The following EXOC6 variants were observed in gnomAD, a reference collection of about 807,000 sequenced individuals.
EXOC6 encodes the protein exocyst complex component 6.
A neutral mutation model predicts 112.5 loss-of-function variants in EXOC6; 60 were observed. The ratio of observed to expected loss-of-function variants is 0.53; its 90% CI spans 0.43 to 0.66. The LOEUF is 0.66. Among genes scored for constraint, EXOC6 ranks in the 30% least tolerant of loss-of-function variants. The probability of loss-of-function intolerance (pLI) is 0.00; values close to 1 mark genes in which losing one functional copy is unlikely to be tolerated. For synonymous variants in EXOC6, 295 were observed against 308.0 expected (o/e 0.96, Z 0.44); for missense variants, 855 against 957.1 (o/e 0.89, Z 1.41).
chr10:92,949,594 CT>C (rs35310204), intron 14 of EXOC6, among the ~76,000 whole-genome samples: 1,716 of 129,234 alleles, frequency 0.013, 28 homozygotes, highest in African/African-American at 0.04. Flanking sequence ...CTGCTTGTGG[CT>C]TTTTTTTTTT....
At chr10:92,903,105 A>G (rs1023926265) in intron 5 of EXOC6, among the ~76,000 whole-genome samples, 8 of 152,102 alleles carry the variant, frequency 5.3e-5, no homozygotes, top group African/African-American at 1.9e-4. Context: ...ACTTTTTAAG[A>G]AACCGTTAAA....
chr10:93,014,319 C>T, intron 20 of EXOC6, 52 bp downstream of exon 20: 1 of 1,417,478 alleles, frequency 7.1e-7, no homozygotes. Context: ...TCTTGCCCTC[C>T]CCTCACTTTT....
intron 1 of EXOC6, among the ~76,000 whole-genome samples, chr10:92,883,127 T>C (rs1364238181): frequency 6.6e-6 from 1 of 152,244 alleles, no homozygotes; most frequent in African/African-American, 2.4e-5. Flanking sequence ...CATGTGCTTC[T>C]GTTTAAATAA....
upstream of EXOC6, among the ~76,000 whole-genome samples, chr10:92,831,809 AAG>A (rs771500566): frequency 6.6e-6 from 1 of 152,206 alleles, no homozygotes; most frequent in African/African-American, 2.4e-5. Flanking sequence ...TCCTTGAATA[AAG>A]AGAGAGAGAA....
At chr10:92,829,820 C>T (rs1385284846), upstream of EXOC6, among the ~76,000 whole-genome samples, 1 of 152,126 alleles carries the variant, frequency 6.6e-6, no homozygotes, top group African/African-American at 2.4e-5. Flanking sequence ...CCCACCGAAA[C>T]CAAGAAGGTG....
chr10:92,936,687 T>C (rs1433571542), intron 12 of EXOC6, among the ~76,000 whole-genome samples: 1 of 152,220 alleles, frequency 6.6e-6, no homozygotes, highest in Non-Finnish European at 1.5e-5. Context: ...TTAAAAGCAA[T>C]ATCACCGGCA....
At chr10:92,909,732 G>GT in intron 6 of EXOC6, 101 bp downstream of exon 6, 1 of 712,896 alleles carries the variant, frequency 1.4e-6, no homozygotes, top group South Asian at 2.3e-5. Flanking sequence ...GCTTATTTTT[G>GT]TTTTACCTTT....
intron 8 of EXOC6, among the ~76,000 whole-genome samples, chr10:92,927,951 G>T (rs1052701847): frequency 1.3e-5 from 2 of 152,140 alleles, no homozygotes; most frequent in African/African-American, 4.8e-5. Flanking sequence ...TGAGGCAGGG[G>T]CTTGTATAAC....
chr10:92,963,352 A>T (rs1854121600), intron 17 of EXOC6, among the ~76,000 whole-genome samples: 1 of 152,102 alleles, frequency 6.6e-6, no homozygotes, highest in Non-Finnish European at 1.5e-5. Context: ...ACTCTCTAAG[A>T]AGTACTTTGT....
At chr10:92,975,615 T>TG (rs1292589556) in intron 18 of EXOC6, among the ~76,000 whole-genome samples, 1 of 96,194 alleles carries the variant, frequency 1.0e-5, no homozygotes, top group Admixed American at 9.9e-5. Flanking sequence ...GGAGGGAGGT[T>TG]GGGGGGTCAG....
chr10:92,872,040 T>G, intron 1 of EXOC6, among the ~76,000 whole-genome samples: 1 of 152,200 alleles, frequency 6.6e-6, no homozygotes, highest in Non-Finnish European at 1.5e-5. Context: ...AACTCATTCC[T>G]TTCTGCTTTT....
At chr10:92,878,528 G>T (rs376932256) in intron 1 of EXOC6, among the ~76,000 whole-genome samples, 9 of 152,074 alleles carry the variant, frequency 5.9e-5, no homozygotes, top group African/African-American at 1.9e-4. Flanking sequence ...AGTGATACGC[G>T]TGCCCATCTG....
intron 1 of EXOC6, among the ~76,000 whole-genome samples, chr10:92,892,763 T>A (rs1211390797): frequency 6.6e-6 from 1 of 152,162 alleles, no homozygotes; most frequent in Admixed American, 6.5e-5. Flanking sequence ...TTAGGAAACA[T>A]TGTGGTGACT....
chr10:92,890,374 C>A (rs376492979), intron 1 of EXOC6, among the ~76,000 whole-genome samples: 1 of 150,142 alleles, frequency 6.7e-6, no homozygotes, highest in African/African-American at 2.5e-5. Context: ...AGTGCCTTTT[C>A]TAATTCCATC....
At chr10:92,899,066 T>G (rs1279319706) in intron 4 of EXOC6, among the ~76,000 whole-genome samples, 1 of 152,234 alleles carries the variant, frequency 6.6e-6, no homozygotes, top group African/African-American at 2.4e-5. Context: ...TGTTTATTTC[T>G]GGCTGTATTA....
chr10:92,866,632 A>G (rs1848186593), intron 1 of EXOC6, among the ~76,000 whole-genome samples: 1 of 151,980 alleles, frequency 6.6e-6, no homozygotes, highest in Non-Finnish European at 1.5e-5. Context: ...CCTTTTCATC[A>G]TCTTAAATAT....
Position 92,893,389 on chromosome 10 carries a change from A to G in EXOC6, c.142A>G (p.Met48Val), listed in dbSNP as rs756178975. ...DDQPNAHKKF[M>V]EKLDACIRNH... ...CCAACCAAATGCGCACAAGAAGTTT[A>G]TGGAAAAGTTAGATGCTTGTATCCG... The change falls in exon 2 of 22, where the codon ATG becomes GTG. Residue 48 changes from methionine (M) to valine (V), a missense_variant. Met to Val is a conservative substitution (Grantham distance 21). Transcript: ENST00000260762. 1.6e-5 allele frequency: 25 copies of G among 1,612,474 alleles called. No individual in the cohort carries two copies. In the East Asian group the frequency reaches 5.4e-4, roughly 35 times the overall value.
chr10:92,962,501 C>CA (rs1217718533), intron 17 of EXOC6, among the ~76,000 whole-genome samples: 3 of 151,876 alleles, frequency 2.0e-5, no homozygotes, highest in African/African-American at 7.3e-5. Flanking sequence ...GCAATCCTCC[C>CA]ACCTCAGCCT....
At chr10:92,850,696 C>A (rs7908179) in intron 1 of EXOC6, among the ~76,000 whole-genome samples, 66,547 of 152,068 alleles carry the variant, frequency 0.44, 15,404 homozygotes, top group African/African-American at 0.58. Context: ...TACTCCCTAT[C>A]ATCTTGGATT....
Sources: gnomAD v4.1 joint callset for allele counts (sites outside exome capture counted in the v4.1 genomes callset) on GRCh38, gnomAD v4.1.1 for gene constraint, MANE v1.5 for transcripts, NCBI Gene and HGNC (gene_info 2026-07-23, HGNC 2026-07-21) for gene names.